SEMA3D: variants seen among roughly 807,000 people sequenced by gnomAD.
SEMA3D encodes semaphorin-3D.
SEMA3D carries 84 observed loss-of-function variants against 100.1 expected under a neutral mutation model. The observed-to-expected ratio is 0.84, with a 90% CI of 0.70 to 1.01. The LOEUF is 1.01. Ranked by LOEUF, SEMA3D falls within the 50% of genes least tolerant of loss-of-function variation. The pLI is 0.00. For synonymous variants in SEMA3D, 312 were observed against 320.7 expected (o/e 0.97, Z 0.29); for missense variants, 875 against 934.1 (o/e 0.94, Z 0.82).
intron 5 of SEMA3D, among the ~76,000 whole-genome samples, chr7:85,074,534 A>C (rs900449562): frequency 6.6e-6 from 1 of 152,106 alleles, no homozygotes; most frequent in Admixed American, 6.5e-5. Context: ...AGCTATACAA[A>C]ATACTAATAT....
chr7:85,140,865 T>A, intron 2 of SEMA3D: 1 of 791,682 alleles, frequency 1.3e-6, no homozygotes, highest in Non-Finnish European at 1.5e-6. Flanking sequence ...AAATGGTAGG[T>A]ATACAAAAAG....
At chr7:85,051,578 T>C (rs2116053085) in intron 9 of SEMA3D, among the ~76,000 whole-genome samples, 1 of 151,990 alleles carries the variant, frequency 6.6e-6, no homozygotes, top group East Asian at 1.9e-4. Flanking sequence ...TCTTCCTGAG[T>C]AATGTCAGGC....
intron 12 of SEMA3D, chr7:85,029,254 A>G (rs1790477729): frequency 1.3e-6 from 1 of 783,046 alleles, no homozygotes; most frequent in Non-Finnish European, 2.3e-6. Context: ...GGCATCCTCA[A>G]TGTCTACTCT....
the SEMA3D span, among the ~76,000 whole-genome samples, chr7:85,214,932 T>A: frequency 4.6e-5 from 7 of 152,244 alleles, no homozygotes; most frequent in South Asian, 1.4e-3. Context: ...CATATGGCAA[T>A]GATTTTGCAA....
In SEMA3D at chr7:85,111,158, A is replaced by G. The variant is rs1208123206; in HGVS notation, c.151+10583T>C. On this transcript the variant is annotated intron_variant, in intron 3 of 18. Transcript: ENST00000284136. The stretch of plus-strand genomic sequence containing the variant: ...CTCTGATCTCCTGACTTGATAGTAT[A>G]CCAGAAGCCAATCTTTTGAATTCTG... Among the ~76,000 whole-genome samples the G allele has an allele frequency of 2.0e-5, 3 of 151,974 alleles. 1 individual carries two copies. The highest frequency in any genetic ancestry group is 7.2e-5 in the African/African-American group (3 of 41,404).
At chr7:85,022,818 A>C (rs2115855572) in intron 12 of SEMA3D, among the ~76,000 whole-genome samples, 1 of 152,054 alleles carries the variant, frequency 6.6e-6, no homozygotes, top group African/African-American at 2.4e-5. Flanking sequence ...AAAATTTTCT[A>C]AATTACCTCT....
chr7:85,109,712 T>G (rs1353769350), intron 3 of SEMA3D, among the ~76,000 whole-genome samples: 1 of 151,928 alleles, frequency 6.6e-6, no homozygotes, highest in Non-Finnish European at 1.5e-5. Context: ...AAAAAAGACC[T>G]AAGGACATTA....
At chr7:85,185,617 C>A (rs1308977493) in intron 1 of SEMA3D, among the ~76,000 whole-genome samples, 1 of 152,182 alleles carries the variant, frequency 6.6e-6, no homozygotes, top group Non-Finnish European at 1.5e-5. Context: ...CAGCTGCTGG[C>A]GCGCGGCTCT....
intron 9 of SEMA3D, among the ~76,000 whole-genome samples, chr7:85,052,564 G>A (rs1055144970): frequency 2.6e-5 from 4 of 151,918 alleles, no homozygotes; most frequent in East Asian, 3.9e-4. Context: ...ATTCCTTAGC[G>A]TAGTCCCACT....
intron 3 of SEMA3D, among the ~76,000 whole-genome samples, chr7:85,098,308 C>A (rs1014659019): frequency 6.6e-6 from 1 of 151,466 alleles, no homozygotes; most frequent in Non-Finnish European, 1.5e-5. Flanking sequence ...GAAAAACACA[C>A]AGTATTAAAA....
chr7:85,196,334 C>T, the SEMA3D span, among the ~76,000 whole-genome samples: 1 of 150,126 alleles, frequency 6.7e-6, no homozygotes, highest in East Asian at 1.9e-4. Context: ...AAAACAATAT[C>T]ATTTAGAAAA....
intron 4 of SEMA3D, among the ~76,000 whole-genome samples, chr7:85,096,360 T>C (rs575162527): frequency 1.3e-5 from 2 of 152,054 alleles, no homozygotes; most frequent in Non-Finnish European, 2.9e-5. Flanking sequence ...CAAATTCTAG[T>C]ACATAATCAA....
At chr7:85,072,886 C>T (rs1419897930) in intron 6 of SEMA3D, 76 bp downstream of exon 6, 1 of 1,213,214 alleles carries the variant, frequency 8.2e-7, no homozygotes, top group Non-Finnish European at 1.2e-6. Context: ...TTCAAATCTG[C>T]CTGTTTTATG....
At chr7:85,089,358 C>G (rs1788311687) in intron 4 of SEMA3D, among the ~76,000 whole-genome samples, 1 of 152,106 alleles carries the variant, frequency 6.6e-6, no homozygotes, top group Non-Finnish European at 1.5e-5. Context: ...TTATTATCAT[C>G]TCCCCAGAAA....
At chr7:85,069,088 G>T (rs1791703393) in intron 6 of SEMA3D, among the ~76,000 whole-genome samples, 1 of 152,134 alleles carries the variant, frequency 6.6e-6, no homozygotes, top group South Asian at 2.1e-4. Flanking sequence ...CAGAAAGGAT[G>T]ATGACTCACT....
intron 3 of SEMA3D, among the ~76,000 whole-genome samples, chr7:85,107,081 A>G (rs979254185): frequency 2.6e-5 from 4 of 152,042 alleles, no homozygotes; most frequent in Admixed American, 1.3e-4. Flanking sequence ...TCTCGGTATT[A>G]TGAAATTTAA....
At chr7:85,045,239 T>C (rs1457039852) in intron 9 of SEMA3D, among the ~76,000 whole-genome samples, 1 of 152,040 alleles carries the variant, frequency 6.6e-6, no homozygotes, top group African/African-American at 2.4e-5. Flanking sequence ...CTGTGTTTAG[T>C]TGAAGACTGA....
At chr7:85,182,289 C>T (rs1488758315) in intron 1 of SEMA3D, among the ~76,000 whole-genome samples, 1 of 152,104 alleles carries the variant, frequency 6.6e-6, no homozygotes, top group Non-Finnish European at 1.5e-5. Context: ...ATAAAACTCC[C>T]AGTCTCTCAC....
At chr7:85,115,223 T>C (rs940777504) in intron 3 of SEMA3D, among the ~76,000 whole-genome samples, 6 of 152,176 alleles carry the variant, frequency 3.9e-5, no homozygotes, top group Non-Finnish European at 7.3e-5. Context: ...CATCCTAGGC[T>C]GTAAGTAGAC....
Sources: allele counts gnomAD v4.1 joint callset (sites outside exome capture counted in the v4.1 genomes callset), GRCh38; gene constraint gnomAD v4.1.1; transcripts MANE v1.5; gene names NCBI Gene and HGNC (gene_info 2026-07-23, HGNC 2026-07-21).